ZNF536: variants seen among roughly 807,000 people sequenced by gnomAD.
ZNF536 encodes zinc finger protein 536.
A neutral mutation model predicts 84.5 loss-of-function variants in ZNF536; 13 were observed. That is an observed-to-expected ratio of 0.15 (90% confidence interval 0.10 to 0.24). The LOEUF is 0.24. Among genes scored for constraint, ZNF536 ranks in the 10% least tolerant of loss-of-function variants. The probability of loss-of-function intolerance (pLI) is 1.00; values close to 1 mark genes in which losing one functional copy is unlikely to be tolerated. For missense variants in ZNF536, 1,536 were observed against 1,747.5 expected, an observed-to-expected ratio of 0.88 and a Z score of 2.16; for synonymous variants, 811 against 742.5, an observed-to-expected ratio of 1.09 and a Z score of -1.50.
chr19:30,563,135 G>A (rs2046231357), intron 1 of ZNF536, among the ~76,000 whole-genome samples: 1 of 152,118 alleles, frequency 6.6e-6, no homozygotes, highest in South Asian at 2.1e-4. Context: ...TGAAGACCGA[G>A]AACCCGCTAA....
At chr19:30,680,087 G>A (rs2050905692) in intron 1 of ZNF536, among the ~76,000 whole-genome samples, 1 of 152,088 alleles carries the variant, frequency 6.6e-6, no homozygotes, top group African/African-American at 2.4e-5. Flanking sequence ...CAGGCTGAGT[G>A]GGAAAAAGAC....
intron 1 of ZNF536, among the ~76,000 whole-genome samples, chr19:30,376,080 G>A (rs189377275): frequency 3.9e-4 from 60 of 152,234 alleles, no homozygotes; most frequent in African/African-American, 1.3e-3. Context: ...TGTGCTTGAT[G>A]TCTTGAGGGT....
downstream of ZNF536, among the ~76,000 whole-genome samples, chr19:30,561,973 G>C (rs948647365): frequency 6.6e-6 from 1 of 152,244 alleles, no homozygotes; most frequent in Non-Finnish European, 1.5e-5. Flanking sequence ...CAGATGTGCA[G>C]GTCATGGCTC....
chr19:30,550,456 C>T (rs907497019), intron 4 of ZNF536, among the ~76,000 whole-genome samples: 12 of 152,104 alleles, frequency 7.9e-5, no homozygotes, highest in Non-Finnish European at 1.5e-5. Flanking sequence ...CCTTTGAAAC[C>T]AGCTCCAAAT....
intron 2 of ZNF536, among the ~76,000 whole-genome samples, chr19:30,308,505 T>G (rs2046406735): frequency 6.6e-6 from 1 of 152,038 alleles, no homozygotes; most frequent in Admixed American, 6.5e-5. Flanking sequence ...TGGAGAGAAA[T>G]TCTTGAGTTG....
At chr19:30,359,309 G>A (rs759411262) in intron 3 of ZNF536, among the ~76,000 whole-genome samples, 3 of 152,316 alleles carry the variant, frequency 2.0e-5, no homozygotes, top group Non-Finnish European at 2.9e-5. Context: ...GCAAGGAGTG[G>A]CCAGTGCGGC....
intron 1 of ZNF536, among the ~76,000 whole-genome samples, chr19:30,373,141 A>C (rs930022969): frequency 6.6e-6 from 1 of 152,196 alleles, no homozygotes; most frequent in Non-Finnish European, 1.5e-5. Flanking sequence ...GACATGCTTG[A>C]ATGTCCACCT....
At chr19:30,348,606 A>G (rs1225929059) in intron 2 of ZNF536, among the ~76,000 whole-genome samples, 1 of 152,044 alleles carries the variant, frequency 6.6e-6, no homozygotes, top group African/African-American at 2.4e-5. Context: ...GATGCAATGG[A>G]TGGTTGAGTC....
At chr19:30,674,071 T>C (rs1484771100) in intron 1 of ZNF536, among the ~76,000 whole-genome samples, 1 of 152,186 alleles carries the variant, frequency 6.6e-6, no homozygotes, top group African/African-American at 2.4e-5. Context: ...TAACTTTTGG[T>C]GGAACTGATG....
At chr19:30,499,690 C>T (rs943501117) in intron 2 of ZNF536, among the ~76,000 whole-genome samples, 1 of 152,184 alleles carries the variant, frequency 6.6e-6, no homozygotes, top group Non-Finnish European at 1.5e-5. Context: ...GTGTGATTAC[C>T]TTCTTTTCCT....
At chr19:30,477,057 G>C (rs2053879508) in intron 2 of ZNF536, among the ~76,000 whole-genome samples, 3 of 152,028 alleles carry the variant, frequency 2.0e-5, no homozygotes, top group Non-Finnish European at 4.4e-5. Flanking sequence ...CCAAACTACT[G>C]GGATTACAGG....
intron 2 of ZNF536, among the ~76,000 whole-genome samples, chr19:30,285,351 T>A (rs1229888507): frequency 1.3e-5 from 2 of 152,224 alleles, no homozygotes; most frequent in African/African-American, 4.8e-5. Context: ...TAGGCCCTGT[T>A]GTGATTTGTC....
chr19:30,263,703 G>A (rs2025344314), intron 1 of ZNF536, among the ~76,000 whole-genome samples: 1 of 152,164 alleles, frequency 6.6e-6, no homozygotes, highest in Admixed American at 6.5e-5. Flanking sequence ...AAGAAGTTAA[G>A]TTGTGTGTGT....
At chr19:30,478,635 C>T (rs2053949998) in intron 2 of ZNF536, among the ~76,000 whole-genome samples, 4 of 152,202 alleles carry the variant, frequency 2.6e-5, no homozygotes, top group Admixed American at 2.6e-4. Flanking sequence ...TATCTTCCTT[C>T]TAAACAACAG....
chr19:30,423,940 G>A (rs941652460), intron 1 of ZNF536, among the ~76,000 whole-genome samples: 2 of 152,146 alleles, frequency 1.3e-5, no homozygotes, highest in African/African-American at 4.8e-5. Context: ...GTCAAGCATG[G>A]TGTCTTGAAA....
rs35955842 is a variant in ZNF536 at position 30,275,840 on chromosome 19, AGTGT to A, written c.-189-8215_-189-8212del. Among the ~76,000 whole-genome samples, 812 of 150,246 alleles carry A rather than the reference AGTGT, an allele frequency of 5.4e-3. 10 individuals carry two copies. The highest frequency in any genetic ancestry group is 0.018 in the African/African-American group (749 of 40,916). ...AGCCCTCAGAAGGTGTGTGTGTGTGAGTGTGTGTGTGTGTGTGTGTAAATACATA... is the reference window on the plus strand; with the variant it reads ...AGCCCTCAGAAGGTGTGTGTGTGTGAGTGTGTGTGTGTGTGTAAATACATA... On this transcript the variant is annotated intron_variant, in intron 1 of 5. Transcript: ENST00000585628.
chr19:30,449,960 T>G (rs148722266), intron 2 of ZNF536, among the ~76,000 whole-genome samples: 2,327 of 151,910 alleles, frequency 0.015, 28 homozygotes, highest in Middle Eastern at 0.031. Flanking sequence ...TCCCCCTCCC[T>G]GCCCCCGTTC....
At chr19:30,570,904 G>A (rs977387018) in intron 1 of ZNF536, among the ~76,000 whole-genome samples, 2 of 152,122 alleles carry the variant, frequency 1.3e-5, no homozygotes, top group Admixed American at 1.3e-4. Context: ...GAGGGAATAT[G>A]CCCAATTACT....
At chr19:30,436,874 C>T (rs1441469422) in intron 1 of ZNF536, among the ~76,000 whole-genome samples, 2 of 152,118 alleles carry the variant, frequency 1.3e-5, no homozygotes, top group African/African-American at 4.8e-5. Context: ...GTTTGGAAAC[C>T]CCCTTGCTGT....
Sources: gnomAD v4.1 joint callset for allele counts (sites outside exome capture counted in the v4.1 genomes callset) on GRCh38, gnomAD v4.1.1 for gene constraint, MANE v1.5 for transcripts, NCBI Gene and HGNC (gene_info 2026-07-23, HGNC 2026-07-21) for gene names.